The following AFF3 variants were observed in gnomAD, a reference collection of about 807,000 sequenced individuals.
The protein encoded by AFF3 is AF4/FMR2 family member 3.
A neutral mutation model predicts 129.7 loss-of-function variants in AFF3; 32 were observed. The ratio of observed to expected loss-of-function variants is 0.25; its 90% CI spans 0.19 to 0.33. AFF3 has a LOEUF of 0.33. AFF3 is among the 10% of genes least tolerant of loss of function. AFF3 has a pLI of 1.00. For missense variants in AFF3, 1,373 were observed against 1,592.0 expected, an observed-to-expected ratio of 0.86 and a Z score of 2.34; for synonymous variants, 644 against 635.4, an observed-to-expected ratio of 1.01 and a Z score of -0.20.
chr2:99,934,970 C>A (rs1674388338), intron 7 of AFF3, among the ~76,000 whole-genome samples: 1 of 152,184 alleles, frequency 6.6e-6, no homozygotes, highest in South Asian at 2.1e-4. Context: ...CTGAAGGTCA[C>A]CTTCTCTGAA....
At chr2:100,048,583 G>C (rs1218671384) in intron 4 of AFF3, among the ~76,000 whole-genome samples, 1 of 152,142 alleles carries the variant, frequency 6.6e-6, no homozygotes, top group Non-Finnish European at 1.5e-5. Context: ...AAATACAACA[G>C]ATTCTTTCAG....
rs181241360 is a variant in AFF3, at chr2:99,662,072, G to A, written c.1143+10466C>T. On this transcript the variant is annotated intron_variant, in intron 12 of 24. Coordinates refer to ENST00000672756, the MANE Select transcript of AFF3 (RefSeq NM_001386135.1). Reference sequence around the variant, plus strand: ...GGAGAATCGCTTGAACCCGGGAGGCGGAGGTTGCAGTGGGCCAAGATCGCG... The same window carrying A: ...GGAGAATCGCTTGAACCCGGGAGGCAGAGGTTGCAGTGGGCCAAGATCGCG... Among the ~76,000 whole-genome samples the A allele has an allele frequency of 4.2e-3, 642 of 152,118 alleles. 3 individuals are homozygous for A. Among genetic ancestry groups the A allele is most frequent in the Non-Finnish European group, 7.7e-3 (524 of 68,014 alleles).
In AFF3 at chr2:99,637,323, T is replaced by C. The variant is rs138099847; in HGVS notation, c.1184+12303A>G. 5.7e-3 allele frequency among the ~76,000 whole-genome samples: 871 copies of C among 152,352 alleles called. 8 individuals carry two copies. Among genetic ancestry groups the C allele is most frequent in the African/African-American group, 0.019 (810 of 41,586 alleles). Reference sequence around the variant, plus strand: ...TTTAAAACCACCCACTCATCACAGATGCTTTTGCGGCACGGCCTCCGCCCA... The same window carrying C: ...TTTAAAACCACCCACTCATCACAGACGCTTTTGCGGCACGGCCTCCGCCCA... On this transcript the variant is annotated intron_variant, in intron 13 of 24. Coordinates refer to ENST00000672756, the MANE Select transcript of AFF3 (RefSeq NM_001386135.1).
chr2:99,619,764 AG>A, intron 13 of AFF3, among the ~76,000 whole-genome samples: 1 of 152,302 alleles, frequency 6.6e-6, no homozygotes, highest in African/African-American at 2.4e-5. Context: ...TCTCACACAC[AG>A]ATGACAGTGT....
intron 7 of AFF3, among the ~76,000 whole-genome samples, chr2:99,873,089 T>C (rs1292267908): frequency 1.3e-5 from 2 of 152,226 alleles, no homozygotes; most frequent in African/African-American, 4.8e-5. Flanking sequence ...ACGTAGCTTT[T>C]CTCAAGACAA....
intron 20 of AFF3, 25 bp from the exon 21 acceptor site, chr2:99,560,461 T>C (rs369363779): frequency 1.9e-5 from 30 of 1,601,484 alleles, no homozygotes; most frequent in African/African-American, 4.0e-5. Flanking sequence ...GGAGGAGGAA[T>C]AGAATAAAAA....
intron 7 of AFF3, among the ~76,000 whole-genome samples, chr2:99,865,629 G>GT (rs1474448799): frequency 6.6e-6 from 1 of 152,200 alleles, no homozygotes; most frequent in Non-Finnish European, 1.5e-5. Flanking sequence ...CTAAAACTTA[G>GT]AAGTTATAGT....
At chr2:100,007,935 A>G in intron 5 of AFF3, 1 of 167,690 alleles carries the variant, frequency 6.0e-6, no homozygotes, top group Non-Finnish European at 1.3e-5. Flanking sequence ...AGATCACGCC[A>G]CTGCACTCCA....
At chr2:99,602,011 C>T (rs1179012360) in intron 13 of AFF3, among the ~76,000 whole-genome samples, 1 of 152,224 alleles carries the variant, frequency 6.6e-6, no homozygotes, top group African/African-American at 2.4e-5. Context: ...AAAGCTTGAA[C>T]TATTTTGCAA....
At chr2:99,845,576 C>A (rs2105838790) in intron 7 of AFF3, among the ~76,000 whole-genome samples, 1 of 152,300 alleles carries the variant, frequency 6.6e-6, no homozygotes, top group South Asian at 2.1e-4. Context: ...TCTGTCAACA[C>A]TGGGTGAAGA....
intron 11 of AFF3, among the ~76,000 whole-genome samples, chr2:99,726,523 G>A (rs1679375560): frequency 6.6e-6 from 1 of 152,120 alleles, no homozygotes; most frequent in African/African-American, 2.4e-5. Flanking sequence ...AATATATTTG[G>A]ATTCCTTGAA....
At chr2:99,862,631 TC>T (rs1389743646) in intron 7 of AFF3, among the ~76,000 whole-genome samples, 1 of 152,252 alleles carries the variant, frequency 6.6e-6, no homozygotes, top group African/African-American at 2.4e-5. Flanking sequence ...CCTAGCTTGT[TC>T]CTTTATGCTC....
chr2:100,027,397 C>T (rs540934184), intron 4 of AFF3, among the ~76,000 whole-genome samples: 4 of 152,328 alleles, frequency 2.6e-5, no homozygotes, highest in South Asian at 4.1e-4. Flanking sequence ...CAACTTGTCT[C>T]CTTCCAAGAG....
intron 8 of AFF3, among the ~76,000 whole-genome samples, chr2:99,773,618 C>T (rs1275362443): frequency 6.6e-6 from 1 of 152,110 alleles, no homozygotes; most frequent in Non-Finnish European, 1.5e-5. Flanking sequence ...ACAAAAGTCA[C>T]TCAGGGCCAA....
chr2:100,109,737 T>C (rs1691450956), intron 2 of AFF3: 1 of 152,172 alleles, frequency 6.6e-6, no homozygotes, highest in Non-Finnish European at 1.5e-5. Context: ...CTCCATTTAG[T>C]CCTCCCAAAA....
At chr2:99,983,998 T>C (rs533868099) in intron 7 of AFF3, among the ~76,000 whole-genome samples, 3 of 151,998 alleles carry the variant, frequency 2.0e-5, no homozygotes, top group African/African-American at 7.2e-5. Flanking sequence ...AAAAATAAAA[T>C]AAAAAAGCTC....
chr2:99,744,278 CAT>C, intron 9 of AFF3, 138 bp from the exon 10 acceptor site: 1 of 656,484 alleles, frequency 1.5e-6, no homozygotes, highest in Non-Finnish European at 2.6e-6. Context: ...TAATGAGAAA[CAT>C]ATACATGAAG....
intron 13 of AFF3, among the ~76,000 whole-genome samples, chr2:99,625,525 C>T (rs558191085): frequency 6.6e-6 from 1 of 152,130 alleles, no homozygotes; most frequent in Non-Finnish European, 1.5e-5. Flanking sequence ...ATAAATGACA[C>T]CTGGAAACAG....
At chr2:99,833,165 A>G (rs1688628503) in intron 8 of AFF3, among the ~76,000 whole-genome samples, 1 of 152,212 alleles carries the variant, frequency 6.6e-6, no homozygotes, top group African/African-American at 2.4e-5. Flanking sequence ...GTGAGGGGCT[A>G]TCATGATGTG....
Sources: allele counts gnomAD v4.1 joint callset (sites outside exome capture counted in the v4.1 genomes callset), GRCh38; gene constraint gnomAD v4.1.1; transcripts MANE v1.5; gene names NCBI Gene and HGNC (gene_info 2026-07-23, HGNC 2026-07-21).